Variants in ST8SIA6 observed in about 807,000 individuals in gnomAD.
ST8SIA6 encodes the protein alpha-2,8-sialyltransferase 8F.
Under a neutral mutation model 33.6 loss-of-function variants are expected in ST8SIA6, and 39 were observed. That is an observed-to-expected ratio of 1.16 (90% CI 0.90 to 1.52). The LOEUF is 1.52. Among genes scored for constraint, ST8SIA6 ranks in the 40% most tolerant of loss-of-function variants. The pLI, the probability that ST8SIA6 is intolerant of heterozygous loss-of-function variation, is 0.00. For missense variants in ST8SIA6, 441 were observed against 443.8 expected, an observed-to-expected ratio of 0.99 and a Z score of 0.06; for synonymous variants, 172 against 167.2, an observed-to-expected ratio of 1.03 and a Z score of -0.22.
intron 2 of ST8SIA6, among the ~76,000 whole-genome samples, chr10:17,417,070 A>T (rs553366231): frequency 6.6e-6 from 1 of 152,290 alleles, no homozygotes; most frequent in Admixed American, 6.5e-5. Flanking sequence ...TCGTGCCAGC[A>T]TCTGCTTCTG....
In ST8SIA6 at chr10:17,454,335, G is replaced by A; in HGVS notation, c.-80C>T. ...GCGGCCCCGACTCGCGGCTCCCGCC[G>A]CCGCCGCCACCGCCGCCGTGGCCGC... On this transcript the variant is annotated 5_prime_UTR_variant, in exon 1 of 8. Transcript: ENST00000377602. The surrounding 1 kb of genome is among the most constrained non-coding windows in gnomAD (Gnocchi z 4.1). 6.1e-6 allele frequency: 1 copy of A among 164,848 alleles called. No individual in the cohort carries two copies. Among genetic ancestry groups the A allele is most frequent in the Non-Finnish European group, 1.3e-5 (1 of 77,456 alleles). The allele number at this position is 164,848 out of a possible 1,614,324, so 10.2% of individuals were successfully genotyped here.
At chr10:17,407,097 G>A (rs1425744362) in intron 2 of ST8SIA6, among the ~76,000 whole-genome samples, 1 of 151,986 alleles carries the variant, frequency 6.6e-6, no homozygotes, top group African/African-American at 2.4e-5. Flanking sequence ...CGGCTACTGA[G>A]GGCTAATCTT....
At chr10:17,447,722 G>A (rs1852770901) in intron 2 of ST8SIA6, among the ~76,000 whole-genome samples, 1 of 152,114 alleles carries the variant, frequency 6.6e-6, no homozygotes, top group South Asian at 2.1e-4. Flanking sequence ...AGGAAAAAGT[G>A]TATAATAAAA....
intron 2 of ST8SIA6, among the ~76,000 whole-genome samples, chr10:17,420,583 T>C (rs1398848401): frequency 6.6e-6 from 1 of 152,082 alleles, no homozygotes; most frequent in Non-Finnish European, 1.5e-5. Flanking sequence ...TTAGGCACCA[T>C]GAGATAGTTG....
At chr10:17,337,287 T>G (rs147145998) in intron 4 of ST8SIA6, among the ~76,000 whole-genome samples, 1 of 152,328 alleles carries the variant, frequency 6.6e-6, no homozygotes, top group African/African-American at 2.4e-5. Context: ...CTTTTCCTTA[T>G]AAATTACCCC....
At position 17,336,432 on chromosome 10, in the gene ST8SIA6, T is replaced by C. The variant is rs1032960462; in HGVS notation, c.378-4880A>G. On this transcript the variant is annotated intron_variant, in intron 4 of 7. Coordinates refer to ENST00000377602, the MANE Select transcript of ST8SIA6 (RefSeq NM_001004470.3). ...TAATCCAATTTTATAGTTGTACTTGTTGCAATTCAAAGTAAATTATAGATC... is the reference window on the plus strand; with the variant it reads ...TAATCCAATTTTATAGTTGTACTTGCTGCAATTCAAAGTAAATTATAGATC... Among the ~76,000 whole-genome samples, 5 of 152,138 alleles carry C rather than the reference T, an allele frequency of 3.3e-5. No homozygotes were observed. In the East Asian group the frequency reaches 9.6e-4, roughly 29 times the overall value.
intron 3 of ST8SIA6, among the ~76,000 whole-genome samples, chr10:17,373,778 T>G (rs1421057629): frequency 2.6e-5 from 4 of 152,202 alleles, no homozygotes; most frequent in African/African-American, 4.8e-5. Flanking sequence ...TTGATTATTT[T>G]TATTACCATG....
intron 2 of ST8SIA6, among the ~76,000 whole-genome samples, chr10:17,403,158 C>T (rs958948447): frequency 5.9e-5 from 9 of 152,170 alleles, no homozygotes; most frequent in Admixed American, 1.3e-4. Context: ...CTGGCTCAGG[C>T]GTGAGTCCTT....
intron 3 of ST8SIA6, among the ~76,000 whole-genome samples, chr10:17,373,434 A>G (rs548727752): frequency 1.1e-4 from 17 of 152,296 alleles, no homozygotes; most frequent in African/African-American, 4.1e-4. Flanking sequence ...TGACTTTACC[A>G]TGTAATACAG....
At chr10:17,440,966 A>C (rs1233170326) in intron 2 of ST8SIA6, among the ~76,000 whole-genome samples, 1 of 152,156 alleles carries the variant, frequency 6.6e-6, no homozygotes, top group Non-Finnish European at 1.5e-5. Context: ...CTTCTTGTTA[A>C]TTGAGTTGCA....
chr10:17,397,773 AACCAAG>A (rs1215383596), intron 2 of ST8SIA6, among the ~76,000 whole-genome samples: 2 of 152,160 alleles, frequency 1.3e-5, no homozygotes, highest in African/African-American at 4.8e-5. Flanking sequence ...TGGTACTGGC[AACCAAG>A]ACTTTAGGCA....
At chr10:17,415,549 TC>T (rs1308540669) in intron 2 of ST8SIA6, among the ~76,000 whole-genome samples, 1 of 151,960 alleles carries the variant, frequency 6.6e-6, no homozygotes, top group Non-Finnish European at 1.5e-5. Context: ...ATCCCACCCT[TC>T]CCCCTCCCTG....
intron 2 of ST8SIA6, 119 bp downstream of exon 2, chr10:17,453,440 C>A (rs1852993225): frequency 1.5e-6 from 1 of 680,202 alleles, no homozygotes; most frequent in South Asian, 6.7e-5. Context: ...CACACTCTTA[C>A]ACTCACTCGC....
rs182415528 is a variant in ST8SIA6 at position 17,451,521 on chromosome 10, G to A, written c.200+2038C>T. Reference sequence around the variant, plus strand: ...CACTAAAATGCCGACTTCACCACTAGGCAATATATCCATGTAACAAAAATG... The same window carrying A: ...CACTAAAATGCCGACTTCACCACTAAGCAATATATCCATGTAACAAAAATG... On this transcript the variant is annotated intron_variant, in intron 2 of 7. Transcript: ENST00000377602. Among the ~76,000 whole-genome samples, 160 of 152,210 alleles carry A rather than the reference G, an allele frequency of 1.1e-3. 1 individual carries two copies. Among genetic ancestry groups the A allele is most frequent in the Non-Finnish European group, 6.8e-4 (46 of 68,008 alleles).
intron 4 of ST8SIA6, among the ~76,000 whole-genome samples, chr10:17,333,700 TATATATATATATATATA>T (rs1175596090): frequency 6.6e-4 from 18 of 27,240 alleles, no homozygotes; most frequent in East Asian, 3.4e-3. Context: ...TATATATATA[TATATATATATATATATA>T]TTTTTTTTTT....
intron 3 of ST8SIA6, chr10:17,386,831 C>CG (rs1564436853): frequency 6.6e-6 from 1 of 152,276 alleles, no homozygotes; most frequent in Admixed American, 6.5e-5. Flanking sequence ...ACGTGATACC[C>CG]GGTAGGCCTC....
At chr10:17,348,195 G>C (rs1298662592) in intron 4 of ST8SIA6, among the ~76,000 whole-genome samples, 3 of 149,510 alleles carry the variant, frequency 2.0e-5, no homozygotes, top group Non-Finnish European at 4.4e-5. Context: ...GATATTTTTA[G>C]GGAAGGAAAA....
chr10:17,322,949 C>T, intron 7 of ST8SIA6, 116 bp downstream of exon 7: 2 of 885,472 alleles, frequency 2.3e-6, no homozygotes, highest in East Asian at 2.7e-5. Context: ...TTTCCAAAAA[C>T]TCATTCCACC....
intron 4 of ST8SIA6, among the ~76,000 whole-genome samples, chr10:17,348,257 T>C (rs1848916377): frequency 6.7e-6 from 1 of 149,376 alleles, no homozygotes; most frequent in African/African-American, 2.5e-5. Context: ...TGGCAACATA[T>C]TGAGAGCCTG....
Sources: allele counts gnomAD v4.1 joint callset (sites outside exome capture counted in the v4.1 genomes callset), GRCh38; gene constraint gnomAD v4.1.1; non-coding constraint Gnocchi (gnomAD v3.1); transcripts MANE v1.5; gene names NCBI Gene and HGNC (gene_info 2026-07-23, HGNC 2026-07-21).